The following GATB variants were observed in gnomAD, a reference collection of about 807,000 sequenced individuals.
GATB encodes glutamyl-tRNA(Gln) amidotransferase subunit B, mitochondrial.
GATB carries 39 observed loss-of-function variants against 62.3 expected under a neutral mutation model. The observed-to-expected ratio is 0.63, with a 90% CI of 0.48 to 0.82. GATB has a LOEUF of 0.82. GATB is among the 40% of genes least tolerant of loss of function. The probability of loss-of-function intolerance (pLI) is 0.00; values close to 1 mark genes in which losing one functional copy is unlikely to be tolerated. For missense variants in GATB, 670 were observed against 684.0 expected (o/e 0.98, Z 0.23); for synonymous variants, 276 against 258.9 (o/e 1.07, Z -0.63).
At chr4:151,724,345 T>C in intron 2 of GATB, 1 of 152,590 alleles carries the variant, frequency 6.6e-6, no homozygotes, top group Non-Finnish European at 1.5e-5. Flanking sequence ...ACTCACCACC[T>C]GGCCAGGAGG....
At chr4:151,689,304 TAGAC>T (rs960757363) in intron 9 of GATB, among the ~76,000 whole-genome samples, 33 of 152,068 alleles carry the variant, frequency 2.2e-4, no homozygotes, top group African/African-American at 6.5e-4. Context: ...TGACAAGAAA[TAGAC>T]AGGAATGGTT....
chr4:151,681,391 T>C (rs1344917050), intron 10 of GATB, among the ~76,000 whole-genome samples: 1 of 152,212 alleles, frequency 6.6e-6, no homozygotes, highest in Non-Finnish European at 1.5e-5. Flanking sequence ...AGAACATCTG[T>C]GAACCACCCT....
Position 151,701,537 on chromosome 4 carries a change from C to G in GATB, c.1008-19G>C. 7.0e-7 allele frequency: 1 copy of G among 1,438,592 alleles called. No individual in the cohort carries two copies. The highest frequency in any genetic ancestry group is 9.2e-7 in the Non-Finnish European group (1 of 1,084,778). 89.1% of individuals were successfully genotyped at this position (1,438,592 alleles called of 1,614,324 possible). The stretch of plus-strand genomic sequence containing the variant: ...CATGAACCTGGGCAGACAGAGGAGA[C>G]GGGACCTGAATCTGGAGTACTTGGA... On this transcript the variant is annotated intron_variant, in intron 8 of 12. Transcript: ENST00000263985.
chr4:151,758,342 A>G (rs1739878461), intron 2 of GATB, among the ~76,000 whole-genome samples: 1 of 152,110 alleles, frequency 6.6e-6, no homozygotes, highest in African/African-American at 2.4e-5. Context: ...ATTTCTCACA[A>G]CAGTCCTTTC....
intron 11 of GATB, among the ~76,000 whole-genome samples, chr4:151,679,068 G>C (rs1738077470): frequency 6.6e-6 from 1 of 152,100 alleles, no homozygotes. Flanking sequence ...GCTAATTTCT[G>C]TATTTTTAGT....
At chr4:151,722,592 C>G (rs983325890) in intron 2 of GATB, 9 of 189,738 alleles carry the variant, frequency 4.7e-5, no homozygotes, top group Non-Finnish European at 7.5e-5. Flanking sequence ...CTTCAAAATC[C>G]TAGTGGGACG....
At chr4:151,707,447 C>G (rs1560851587) in intron 6 of GATB, among the ~76,000 whole-genome samples, 2 of 152,170 alleles carry the variant, frequency 1.3e-5, no homozygotes, top group African/African-American at 4.8e-5. Context: ...GTGCTCACCA[C>G]CATGCCTGGC....
intron 5 of GATB, among the ~76,000 whole-genome samples, chr4:151,710,379 C>T (rs1213147018): frequency 1.3e-5 from 2 of 152,218 alleles, no homozygotes; most frequent in Non-Finnish European, 2.9e-5. Context: ...TTCCCTTGAA[C>T]CCAGTTCTCA....
chr4:151,754,580 C>T (rs1276016336), intron 2 of GATB, among the ~76,000 whole-genome samples: 3 of 152,154 alleles, frequency 2.0e-5, no homozygotes, highest in Non-Finnish European at 2.9e-5. Context: ...GAAGACACAA[C>T]CGACAGAGAA....
chr4:151,670,775 A>G lies in GATB; in HGVS notation c.*399T>C, dbSNP rs1464809988. 1.2e-5 allele frequency: 2 copies of G among 170,522 alleles called. No individual in the cohort carries two copies. The highest frequency in any genetic ancestry group is 3.0e-4 in the East Asian group (2 of 6,730). 10.6% of individuals were successfully genotyped at this position (170,522 alleles called of 1,614,324 possible). ...CCACTGCTAATGCCCATCACCTACA[A>G]TGGCTGGCCCTTAGGAGTTGCTCAA... On this transcript the variant is annotated 3_prime_UTR_variant, in exon 13 of 13. Transcript: ENST00000263985.
intron 2 of GATB, among the ~76,000 whole-genome samples, chr4:151,744,359 G>A (rs1739554156): frequency 6.6e-6 from 1 of 152,166 alleles, no homozygotes; most frequent in South Asian, 2.1e-4. Flanking sequence ...TCCATGAATT[G>A]CTCTTTAGAA....
chr4:151,679,723 G>C (rs1231382503), intron 11 of GATB, 90 bp downstream of exon 11: 2 of 1,039,804 alleles, frequency 1.9e-6, no homozygotes, highest in Non-Finnish European at 3.0e-6. Flanking sequence ...CTTCCATGAT[G>C]AAAGTCACTC....
intron 2 of GATB, among the ~76,000 whole-genome samples, chr4:151,751,427 C>G (rs1739718808): frequency 6.6e-6 from 1 of 152,176 alleles, no homozygotes; most frequent in Non-Finnish European, 1.5e-5. Flanking sequence ...AATCCCACAT[C>G]CCACCTCACC....
rs575449294 is a variant in GATB, at chr4:151,739,125, C to T, written c.328-19587G>A. ...GACCCTTGATTGATTACGCTTCTTGCTTCTATAATTGTAAAAGGAGATACG... is the reference window on the plus strand; with the variant it reads ...GACCCTTGATTGATTACGCTTCTTGTTTCTATAATTGTAAAAGGAGATACG... On this transcript the variant is annotated intron_variant, in intron 2 of 12. Coordinates refer to ENST00000263985, the MANE Select transcript of GATB (RefSeq NM_004564.3). 2.0e-5 allele frequency among the ~76,000 whole-genome samples: 3 copies of T among 152,330 alleles called. No individual in the cohort carries two copies. In the South Asian group the frequency reaches 6.2e-4, roughly 32 times the overall value.
At chr4:151,682,406 G>A (rs1231331957) in intron 10 of GATB, among the ~76,000 whole-genome samples, 3 of 152,260 alleles carry the variant, frequency 2.0e-5, no homozygotes, top group African/African-American at 7.2e-5. Flanking sequence ...GACTCGACAC[G>A]CAATGGCAGC....
At chr4:151,739,182 G>C (rs561343949) in intron 2 of GATB, among the ~76,000 whole-genome samples, 2 of 152,256 alleles carry the variant, frequency 1.3e-5, no homozygotes, top group African/African-American at 2.4e-5. Flanking sequence ...ATATTTTAAG[G>C]CTCCCAGAAG....
intron 2 of GATB, among the ~76,000 whole-genome samples, chr4:151,754,251 C>T (rs1310212237): frequency 1.3e-5 from 2 of 152,220 alleles, no homozygotes; most frequent in African/African-American, 2.4e-5. Context: ...TATGCTACAA[C>T]ACATGGAAAA....
At chr4:151,685,110 G>A (rs1309805974) in intron 10 of GATB, among the ~76,000 whole-genome samples, 1 of 152,184 alleles carries the variant, frequency 6.6e-6, no homozygotes, top group East Asian at 1.9e-4. Context: ...CAGCAATTCC[G>A]TACATTTTAA....
intron 11 of GATB, chr4:151,674,488 A>G (rs1737953518): frequency 6.6e-6 from 1 of 152,254 alleles, no homozygotes. Flanking sequence ...TGCAGAAAAT[A>G]TAAGGAAATA....
Sources: gnomAD v4.1 joint callset for allele counts (sites outside exome capture counted in the v4.1 genomes callset) on GRCh38, gnomAD v4.1.1 for gene constraint, MANE v1.5 for transcripts, NCBI Gene and HGNC (gene_info 2026-07-23, HGNC 2026-07-21) for gene names.